Variants in APPL1 observed in about 807,000 individuals in gnomAD.
APPL1 encodes DCC-interacting protein 13-alpha.
Under a neutral mutation model 106.8 loss-of-function variants are expected in APPL1, and 42 were observed. The ratio of observed to expected loss-of-function variants is 0.39; its 90% CI spans 0.31 to 0.51. APPL1 has a LOEUF of 0.51. APPL1 is among the 20% of genes least tolerant of loss of function. APPL1 has a pLI of 0.75. For missense variants in APPL1, 769 were observed against 858.2 expected, an observed-to-expected ratio of 0.90 and a Z score of 1.30; for synonymous variants, 263 against 281.8, an observed-to-expected ratio of 0.93 and a Z score of 0.67.
In APPL1 at chr3:57,242,129, G is replaced by T. The variant is rs201150623; in HGVS notation, c.402G>T (p.Gln134His). 1.1e-5 allele frequency: 18 copies of T among 1,593,214 alleles called. No homozygotes were observed. The highest frequency in any genetic ancestry group is 1.5e-5 in the Non-Finnish European group (17 of 1,166,702). Reference sequence around the variant, plus strand: ...TACTAACATTAAAGGAAGTATTTCAGATTGCAAGTAATGGTAAGCCCTATA... The same window carrying T: ...TACTAACATTAAAGGAAGTATTTCATATTGCAAGTAATGGTAAGCCCTATA... ...KEILTLKEVF[Q>H]IASNDHDAAI... Residue 134 changes from glutamine (Q) to histidine (H), a missense_variant, in exon 6 of 22, where the codon CAG (glutamine) becomes CAT (histidine). By Grantham distance (24) the Gln-to-His change is conservative (BLOSUM62 0). Coordinates refer to ENST00000288266, the MANE Select transcript of APPL1 (RefSeq NM_012096.3).
In APPL1 at chr3:57,257,323, C is replaced by A. The variant is rs2060842467; in HGVS notation, c.1325C>A (p.Ser442Tyr). The change falls in exon 15 of 22, where the codon TCT becomes TAT. Residue 442 changes from serine to tyrosine, a missense_variant. Coordinates refer to ENST00000288266, the MANE Select transcript of APPL1 (RefSeq NM_012096.3). ...GAGTCTACAAATTTGGCTGCCCTCT[C>A]TCTAGATTCTCTTGTTGCCCCAGAC... is the stretch of plus-strand genomic sequence containing the variant. ...GSESTNLAAL[S>Y]LDSLVAPDTP... The A allele has an allele frequency of 6.2e-7, 1 of 1,614,150 alleles. No individual in the cohort carries two copies. Among genetic ancestry groups the A allele is most frequent in the Non-Finnish European group, 8.5e-7 (1 of 1,180,024 alleles).
chr3:57,237,830 G>C (rs1483093393), intron 3 of APPL1, among the ~76,000 whole-genome samples: 2 of 152,108 alleles, frequency 1.3e-5, no homozygotes, highest in Admixed American at 1.3e-4. Context: ...TGAACTTCCA[G>C]TACAGTGGGT....
chr3:57,272,350 A>G lies in APPL1; in HGVS notation c.*2663A>G, dbSNP rs74543077. ...TAGTCTAGTTTTTGCCACATCTGCAATGATTATTGTTTAATTTCAAAAGAA... is the reference window on the plus strand; with the variant it reads ...TAGTCTAGTTTTTGCCACATCTGCAGTGATTATTGTTTAATTTCAAAAGAA... On this transcript the variant is annotated 3_prime_UTR_variant, in exon 22 of 22. Transcript: ENST00000288266. 1 of 152,170 alleles carries G rather than the reference A, an allele frequency of 6.6e-6. No homozygotes were observed. Among genetic ancestry groups the G allele is most frequent in the African/African-American group, 2.4e-5 (1 of 41,446 alleles). 9.4% of individuals were successfully genotyped at this position (152,170 alleles called of 1,614,324 possible). A position where few individuals can be genotyped will look rare whatever the true frequency, so the allele number is the denominator to read the frequency against.
intron 11 of APPL1, among the ~76,000 whole-genome samples, chr3:57,251,310 C>T (rs929763616): frequency 5.3e-5 from 8 of 151,036 alleles, no homozygotes; most frequent in Non-Finnish European, 8.9e-5. Flanking sequence ...GATCACCTGA[C>T]ATCAGGAGTT....
Position 57,242,158 on chromosome 3 carries a change from T to C in APPL1, c.415+16T>C. 6.3e-7 allele frequency: 1 copy of C among 1,580,430 alleles called. No individual in the cohort carries two copies. ...GCAAGTAATGGTAAGCCCTATAATT[T>C]GCACACTTATTTCTTGCAGTGATGT... On this transcript the variant is annotated intron_variant, in intron 6 of 21. Transcript: ENST00000288266.
chr3:57,260,596 C>T, intron 18 of APPL1, 32 bp from the exon 19 acceptor site: 1 of 1,584,240 alleles, frequency 6.3e-7, no homozygotes, highest in Non-Finnish European at 8.6e-7. Context: ...CTTGTAAGAT[C>T]TCATGTTTGC....
At chr3:57,230,543 A>G (rs1429767281) in intron 1 of APPL1, among the ~76,000 whole-genome samples, 3 of 152,126 alleles carry the variant, frequency 2.0e-5, no homozygotes, top group African/African-American at 7.2e-5. Context: ...GTATCTTCAC[A>G]TGTTTTTACA....
At chr3:57,248,818 C>G (rs760218902) in intron 10 of APPL1, among the ~76,000 whole-genome samples, 34 of 151,556 alleles carry the variant, frequency 2.2e-4, no homozygotes, top group Non-Finnish European at 4.3e-4. Context: ...TGTGGTGAGC[C>G]GAGATCCCAC....
Position 57,249,390 on chromosome 3 carries a change from C to G in APPL1, c.894C>G (p.Asp298Glu), listed in dbSNP as rs201123189. The G allele has an allele frequency of 3.1e-6, 5 of 1,614,136 alleles. No individual in the cohort carries two copies. Among genetic ancestry groups the G allele is most frequent in the Non-Finnish European group, 4.2e-6 (5 of 1,180,040 alleles). Residue 298 changes from aspartate (D) to glutamate (E), a missense_variant, in exon 11 of 22, where the codon GAC (aspartate) becomes GAG (glutamate). Transcript: ENST00000288266. ...NKTGLVSSTW[D>E]RQFYFTQGGN... ...CAGGCTTGGTGTCATCTACCTGGGA[C>G]AGACAGTTTTACTTCACGCAGGGTG... is the stretch of plus-strand genomic sequence containing the variant.
chr3:57,232,988 TGA>T lies in APPL1; in HGVS notation c.55-2575_55-2574del, dbSNP rs537888767. 5.3e-5 allele frequency among the ~76,000 whole-genome samples: 8 copies of T among 151,766 alleles called. 1 individual carries two copies. In the South Asian group the frequency reaches 1.7e-3, roughly 32 times the overall value. On this transcript the variant is annotated intron_variant, in intron 1 of 21. Transcript: ENST00000288266. ...CTGCACTCCAGCCTGGGCGACACAG[TGA>T]GACTCTGACTCAAAAAAAACCAAAA... is the stretch of plus-strand genomic sequence containing the variant.
intron 19 of APPL1, 100 bp from the exon 20 acceptor site, chr3:57,267,642 G>T: frequency 2.1e-6 from 2 of 968,278 alleles, no homozygotes. Flanking sequence ...CAATGTATTA[G>T]GATTAGTTAT....
In APPL1 at chr3:57,269,845, A is replaced by C; in HGVS notation, c.*158A>C. On this transcript the variant is annotated 3_prime_UTR_variant, in exon 22 of 22. Coordinates refer to ENST00000288266, the MANE Select transcript of APPL1 (RefSeq NM_012096.3). ...TTTAAAAAAAAGATTGAACTTGATG[A>C]CTTAGGTTTGCATTGATCTTTTTTC... 1 of 856,700 alleles carries C rather than the reference A, an allele frequency of 1.2e-6. No homozygotes were observed. The highest frequency in any genetic ancestry group is 1.7e-6 in the Non-Finnish European group (1 of 577,580). 53.1% of individuals were successfully genotyped at this position (856,700 alleles called of 1,614,324 possible). A position where few individuals can be genotyped will look rare whatever the true frequency, so the allele number is the denominator to read the frequency against.
chr3:57,247,069 TGTAGTAAACA>T (rs1210193760), intron 8 of APPL1, among the ~76,000 whole-genome samples: 1 of 152,180 alleles, frequency 6.6e-6, no homozygotes, highest in Non-Finnish European at 1.5e-5. Context: ...AACTTATCTT[TGTAGTAAACA>T]TGAAATACTT....
intron 7 of APPL1, 79 bp downstream of exon 7, chr3:57,242,993 G>A (rs1052824788): frequency 6.9e-6 from 7 of 1,007,304 alleles, no homozygotes; most frequent in South Asian, 2.8e-5. Flanking sequence ...TCAAAATAGA[G>A]CCAGCAGTTA....
intron 12 of APPL1, among the ~76,000 whole-genome samples, chr3:57,252,739 A>T (rs1238936764): frequency 6.6e-6 from 1 of 152,214 alleles, no homozygotes; most frequent in African/African-American, 2.4e-5. Context: ...AAAGATAGAA[A>T]AACAAAAATT....
intron 19 of APPL1, among the ~76,000 whole-genome samples, chr3:57,264,129 G>A (rs980488499): frequency 6.6e-6 from 1 of 152,124 alleles, no homozygotes; most frequent in African/African-American, 2.4e-5. Context: ...TTTCTCTGAT[G>A]ATCAGTGATG....
intron 11 of APPL1, among the ~76,000 whole-genome samples, chr3:57,251,029 G>A (rs1217340780): frequency 6.8e-6 from 1 of 146,818 alleles, no homozygotes; most frequent in East Asian, 2.0e-4. Flanking sequence ...GGATGGTCTC[G>A]ATCTCCTGAC....
At chr3:57,262,625 A>T (rs1263233987) in intron 19 of APPL1, among the ~76,000 whole-genome samples, 4 of 151,308 alleles carry the variant, frequency 2.6e-5, no homozygotes. Flanking sequence ...ACCTCAAGTG[A>T]TCCACCTGCC....
chr3:57,261,166 G>A lies in APPL1; in HGVS notation c.1842+392G>A, dbSNP rs991652799. On this transcript the variant is annotated intron_variant, in intron 19 of 21. Transcript: ENST00000288266. The stretch of plus-strand genomic sequence containing the variant: ...CTGTCATTCCACACTCTGCCTCCAC[G>A]TGATCAATTTTTTGGCTCCCACATA... Among the ~76,000 whole-genome samples the A allele has an allele frequency of 6.2e-4, 94 of 151,890 alleles. 1 individual carries two copies. The highest frequency in any genetic ancestry group is 2.9e-4 in the Non-Finnish European group (20 of 67,978).
Sources: gnomAD v4.1 joint callset for allele counts (sites outside exome capture counted in the v4.1 genomes callset) on GRCh38, gnomAD v4.1.1 for gene constraint, MANE v1.5 for transcripts, NCBI Gene and HGNC (gene_info 2026-07-23, HGNC 2026-07-21) for gene names.